Variants in DEPTOR observed in about 807,000 individuals in gnomAD.
The protein encoded by DEPTOR is DEP domain-containing mTOR-interacting protein.
Under a neutral mutation model 41.6 loss-of-function variants are expected in DEPTOR, and 41 were observed. The observed-to-expected ratio is 0.98, with a 90% confidence interval of 0.77 to 1.28. The LOEUF is 1.28. DEPTOR is among the 50% of genes most tolerant of loss of function. The pLI, the probability that DEPTOR is intolerant of heterozygous loss-of-function variation, is 0.00. For missense variants in DEPTOR, 514 were observed against 527.9 expected, an observed-to-expected ratio of 0.97 and a Z score of 0.26; for synonymous variants, 195 against 192.3, an observed-to-expected ratio of 1.01 and a Z score of -0.12.
chr8:120,039,683 A>G (rs1305394619), intron 8 of DEPTOR, among the ~76,000 whole-genome samples: 1 of 152,122 alleles, frequency 6.6e-6, no homozygotes, highest in Non-Finnish European at 1.5e-5. Flanking sequence ...AAAAAGCCTG[A>G]GTCCTTATTC....
chr8:119,959,223 C>T (rs181885768), intron 3 of DEPTOR, among the ~76,000 whole-genome samples: 12 of 132,902 alleles, frequency 9.0e-5, no homozygotes, highest in East Asian at 6.8e-4. Flanking sequence ...AGGGAAGTGG[C>T]GCCATCTCGG....
At chr8:119,986,174 C>G (rs537439332) in intron 4 of DEPTOR, among the ~76,000 whole-genome samples, 2 of 151,908 alleles carry the variant, frequency 1.3e-5, no homozygotes, top group South Asian at 4.2e-4. Context: ...ACTGGTTGTT[C>G]CTTTCCATAT....
chr8:119,893,564 C>T (rs1265510939), intron 1 of DEPTOR, among the ~76,000 whole-genome samples: 2 of 152,142 alleles, frequency 1.3e-5, no homozygotes, highest in Admixed American at 6.6e-5. Context: ...CCTGGTGGCT[C>T]GTGCCTGTAA....
chr8:119,925,049 A>T (rs368822963), intron 1 of DEPTOR, among the ~76,000 whole-genome samples: 256 of 152,334 alleles, frequency 1.7e-3, no homozygotes, highest in African/African-American at 6.0e-3. Context: ...GCAAAGGAAG[A>T]TACATGGCCG....
At chr8:119,947,129 GA>G (rs1291539124) in intron 3 of DEPTOR, among the ~76,000 whole-genome samples, 2 of 152,152 alleles carry the variant, frequency 1.3e-5, no homozygotes, top group Non-Finnish European at 2.9e-5. Context: ...TTATGTACAA[GA>G]AGCAGCTCAG....
intron 8 of DEPTOR, among the ~76,000 whole-genome samples, chr8:120,035,989 T>C (rs1812974444): frequency 6.6e-6 from 1 of 152,256 alleles, no homozygotes; most frequent in Non-Finnish European, 1.5e-5. Flanking sequence ...CCCTTCAGCC[T>C]GATCTATGCC....
At chr8:119,920,021 A>G in intron 1 of DEPTOR, among the ~76,000 whole-genome samples, 1 of 152,252 alleles carries the variant, frequency 6.6e-6, no homozygotes, top group East Asian at 1.9e-4. Flanking sequence ...TTAGCTGGAC[A>G]GGAATAGAAC....
chr8:120,009,063 T>C lies in DEPTOR; in HGVS notation c.1031T>C (p.Val344Ala). 6.2e-7 allele frequency: 1 copy of C among 1,614,050 alleles called. No homozygotes were observed. The highest frequency in any genetic ancestry group is 8.5e-7 in the Non-Finnish European group (1 of 1,180,014). ...VGDAVGWGFVVRGSKPCHIQA... is the reference protein window; with the variant it reads ...VGDAVGWGFVARGSKPCHIQA... ...GACGCGGTTGGCTGGGGTTTTGTGG[T>C]GCGAGGAAGTAAGCCATGCCACATC... is the stretch of plus-strand genomic sequence containing the variant. The change falls in exon 8 of 9, where the codon GTG becomes GCG. Residue 344 changes from valine to alanine, a missense_variant. Physicochemically the swap from Val to Ala is moderately conservative, Grantham distance 64. Transcript: ENST00000286234.
intron 8 of DEPTOR, among the ~76,000 whole-genome samples, chr8:120,048,046 A>AG (rs1452304626): frequency 6.8e-6 from 1 of 147,936 alleles, no homozygotes; most frequent in Non-Finnish European, 1.5e-5. Flanking sequence ...AAAAAAAAAA[A>AG]GTAAATGGTG....
chr8:119,992,339 G>A (rs1350155605), intron 4 of DEPTOR, among the ~76,000 whole-genome samples: 2 of 152,148 alleles, frequency 1.3e-5, no homozygotes, highest in Non-Finnish European at 1.5e-5. Flanking sequence ...CTGGTTTGCA[G>A]TTAGCCCCAT....
At chr8:120,032,261 C>T (rs1406199354) in intron 8 of DEPTOR, among the ~76,000 whole-genome samples, 2 of 140,224 alleles carry the variant, frequency 1.4e-5, no homozygotes, top group African/African-American at 5.5e-5. Context: ...CTCTGTCACC[C>T]AGGTTGGAGA....
chr8:119,998,626 T>C (rs1812304000), intron 4 of DEPTOR, among the ~76,000 whole-genome samples: 1 of 152,150 alleles, frequency 6.6e-6, no homozygotes, highest in South Asian at 2.1e-4. Flanking sequence ...CAACCTGCAC[T>C]ATAGCTCCAA....
intron 4 of DEPTOR, among the ~76,000 whole-genome samples, chr8:119,979,246 C>T: frequency 6.6e-6 from 1 of 152,042 alleles, no homozygotes; most frequent in Middle Eastern, 3.4e-3. Flanking sequence ...ATTTTAAAAT[C>T]AACATTTTAA....
intron 8 of DEPTOR, among the ~76,000 whole-genome samples, chr8:120,029,976 A>T (rs982037059): frequency 6.6e-6 from 1 of 152,146 alleles, no homozygotes; most frequent in African/African-American, 2.4e-5. Flanking sequence ...GTAATTGCTG[A>T]TCGCTGGGGC....
At chr8:120,002,791 A>AAAAAATATATATATATATAT in intron 5 of DEPTOR, among the ~76,000 whole-genome samples, 186 bp from the exon 6 acceptor site, 16 of 60,668 alleles carry the variant, frequency 2.6e-4, no homozygotes, top group African/African-American at 8.3e-4. Context: ...AAAAAAAAAA[A>AAAAAATATATATATATATAT]ATATATATAT....
At chr8:120,006,484 A>G (rs1586655049) in intron 6 of DEPTOR, among the ~76,000 whole-genome samples, 2 of 151,698 alleles carry the variant, frequency 1.3e-5, no homozygotes, top group East Asian at 3.9e-4. Context: ...AGATCGCATC[A>G]TTGCACTCCA....
chr8:120,013,081 C>T (rs1812556917), intron 8 of DEPTOR, among the ~76,000 whole-genome samples: 1 of 149,174 alleles, frequency 6.7e-6, no homozygotes, highest in Non-Finnish European at 1.5e-5. Context: ...CACATGAACC[C>T]GGGAGGCAGA....
At chr8:119,976,857 C>T (rs996637898) in intron 4 of DEPTOR, among the ~76,000 whole-genome samples, 1 of 152,090 alleles carries the variant, frequency 6.6e-6, no homozygotes, top group Non-Finnish European at 1.5e-5. Context: ...ACCCTCCCCC[C>T]GCACACCCTG....
intron 4 of DEPTOR, among the ~76,000 whole-genome samples, chr8:119,966,351 G>A (rs78792801): frequency 0.039 from 5,960 of 152,124 alleles, 127 homozygotes; most frequent in African/African-American, 0.064. Flanking sequence ...CTGTAATCCC[G>A]GCTACTCAGG....
Sources: gnomAD v4.1 joint callset for allele counts (sites outside exome capture counted in the v4.1 genomes callset) on GRCh38, gnomAD v4.1.1 for gene constraint, MANE v1.5 for transcripts, NCBI Gene and HGNC (gene_info 2026-07-23, HGNC 2026-07-21) for gene names.